Variants in LRRC8C observed in about 807,000 individuals in gnomAD.
The protein encoded by LRRC8C is leucine rich repeat containing 8 VRAC subunit C.
Under a neutral mutation model 55.3 loss-of-function variants are expected in LRRC8C, and 20 were observed. The ratio of observed to expected loss-of-function variants is 0.36; its 90% CI spans 0.25 to 0.53. The LOEUF is 0.53. Among genes scored for constraint, LRRC8C ranks in the 20% least tolerant of loss-of-function variants. LRRC8C has a pLI of 0.92. For missense variants in LRRC8C, 659 were observed against 951.4 expected, an observed-to-expected ratio of 0.69 and a Z score of 4.04; for synonymous variants, 376 against 360.7, an observed-to-expected ratio of 1.04 and a Z score of -0.48.
chr1:89,621,989 T>C, the LRRC8C span, among the ~76,000 whole-genome samples: 7 of 152,120 alleles, frequency 4.6e-5, no homozygotes, highest in Non-Finnish European at 1.0e-4. Context: ...ATATTCACTG[T>C]AGAGAAATGA....
chr1:89,713,605 T>C lies in LRRC8C; in HGVS notation c.1035T>C (p.Ser345=), dbSNP rs1658718873. The C allele has an allele frequency of 1.2e-6, 2 of 1,614,104 alleles. No homozygotes were observed. The highest frequency in any genetic ancestry group is 1.1e-5 in the South Asian group (1 of 91,092). The change falls in exon 3 of 3, where the codon TCT becomes TCC. Residue 345 remains serine (S), a synonymous_variant. Coordinates refer to ENST00000370454, the MANE Select transcript of LRRC8C (RefSeq NM_032270.5). The surrounding 1 kb of genome is among the most constrained non-coding windows in gnomAD (Gnocchi z 5.2). ...CCTTATACTGGCTGTTCTACCGTTC[T>C]CTACGGGAATATTCCTTTGAGTATG... ...LYTLYWLFYR[S]LREYSFEYVR...
chr1:89,635,360 A>G (rs1656249884), intron 1 of LRRC8C, among the ~76,000 whole-genome samples: 1 of 152,172 alleles, frequency 6.6e-6, no homozygotes, highest in African/African-American at 2.4e-5. Context: ...GAATTGTGTT[A>G]ATGATTTAAT....
the LRRC8C span, among the ~76,000 whole-genome samples, chr1:89,627,832 T>C: frequency 6.6e-6 from 1 of 152,190 alleles, no homozygotes; most frequent in Non-Finnish European, 1.5e-5. Flanking sequence ...AATGAGACAA[T>C]GCATATAAAG....
chr1:89,715,715 C>T lies in LRRC8C; in HGVS notation c.*733C>T, dbSNP rs897185766. 1.3e-5 allele frequency: 2 copies of T among 152,176 alleles called. No individual in the cohort carries two copies. Among genetic ancestry groups the T allele is most frequent in the Admixed American group, 6.5e-5 (1 of 15,280 alleles). 9.4% of individuals were successfully genotyped at this position (152,176 alleles called of 1,614,324 possible). ...GGCTCCTCCCACCTTAATCTCAATACTGCTATGTAGTACTGGTGAACAACT... is the reference window on the plus strand; with the variant it reads ...GGCTCCTCCCACCTTAATCTCAATATTGCTATGTAGTACTGGTGAACAACT... On this transcript the variant is annotated 3_prime_UTR_variant, in exon 3 of 3. Coordinates refer to ENST00000370454, the MANE Select transcript of LRRC8C (RefSeq NM_032270.5).
At chr1:89,620,894 G>C in the LRRC8C span, among the ~76,000 whole-genome samples, 3 of 152,166 alleles carry the variant, frequency 2.0e-5, no homozygotes, top group Admixed American at 6.5e-5. Flanking sequence ...TTTCAGCAAA[G>C]ACCATGACGA....
At chr1:89,651,429 A>G (rs565652649) in intron 1 of LRRC8C, among the ~76,000 whole-genome samples, 46 of 151,778 alleles carry the variant, frequency 3.0e-4, no homozygotes, top group African/African-American at 1.0e-3. Context: ...TTAGCCGGGC[A>G]TGGTGGCGGG....
At chr1:89,708,857 C>A (rs1227488927) in intron 2 of LRRC8C, among the ~76,000 whole-genome samples, 1 of 152,184 alleles carries the variant, frequency 6.6e-6, no homozygotes, top group Admixed American at 6.5e-5. Context: ...TTTTGGAATT[C>A]TACTCAGAGA....
At chr1:89,631,520 A>G (rs1656107421), upstream of LRRC8C, 1 of 152,110 alleles carries the variant, frequency 6.6e-6, no homozygotes, top group Non-Finnish European at 1.5e-5. Context: ...AAATTCAGGT[A>G]AGGTAAGAGA....
chr1:89,707,141 T>A (rs1460159406), intron 2 of LRRC8C, among the ~76,000 whole-genome samples: 1 of 151,274 alleles, frequency 6.6e-6, no homozygotes, highest in African/African-American at 2.4e-5. Flanking sequence ...GCGCTGTGGC[T>A]CATGCCTGTA....
Position 89,714,983 on chromosome 1 carries a change from C to A in LRRC8C, c.*1C>A, listed in dbSNP as rs367696894. ...CCGGGAGCAAATGAAAACAGAATAA[C>A]TTATTTTTCGTTAAAGTTTGACTGA... On this transcript the variant is annotated 3_prime_UTR_variant, in exon 3 of 3. Transcript: ENST00000370454. This position sits in a 1 kb window ranked among gnomAD's most constrained non-coding sequence, Gnocchi z 4.6. The A allele has an allele frequency of 1.5e-5, 23 of 1,563,904 alleles. No homozygotes were observed. The highest frequency in any genetic ancestry group is 8.3e-5 in the African/African-American group (6 of 72,604).
chr1:89,659,020 AGG>A (rs1657026793), intron 1 of LRRC8C, among the ~76,000 whole-genome samples: 1 of 149,104 alleles, frequency 6.7e-6, no homozygotes, highest in African/African-American at 2.5e-5. Context: ...GAGAGTTAAT[AGG>A]AAATTTTAGG....
intron 1 of LRRC8C, among the ~76,000 whole-genome samples, chr1:89,639,255 G>T (rs1656388481): frequency 6.6e-6 from 1 of 152,212 alleles, no homozygotes; most frequent in Non-Finnish European, 1.5e-5. Flanking sequence ...CAAGTACTGG[G>T]ATTACAGGCG....
the LRRC8C span, among the ~76,000 whole-genome samples, chr1:89,619,338 T>C: frequency 6.6e-6 from 1 of 151,862 alleles, no homozygotes; most frequent in Non-Finnish European, 1.5e-5. Flanking sequence ...ATGGGTGATA[T>C]ATTAAATTGA....
chr1:89,676,834 G>A (rs7538386), intron 1 of LRRC8C, among the ~76,000 whole-genome samples: 6,202 of 152,218 alleles, frequency 0.041, 390 homozygotes, highest in African/African-American at 0.14. Flanking sequence ...ATATTCTCCC[G>A]TGAGTGTATA....
the LRRC8C span, among the ~76,000 whole-genome samples, chr1:89,616,094 T>C: frequency 7.2e-5 from 11 of 152,278 alleles, no homozygotes; most frequent in East Asian, 5.8e-4. Flanking sequence ...ATGGAGATCA[T>C]TGTGCCCTGT....
At chr1:89,685,348 CT>C (rs974005719) in intron 1 of LRRC8C, among the ~76,000 whole-genome samples, 5 of 148,900 alleles carry the variant, frequency 3.4e-5, no homozygotes, top group Admixed American at 6.7e-5. Flanking sequence ...ATCTCCTGAC[CT>C]CATGATCCAC....
intron 1 of LRRC8C, among the ~76,000 whole-genome samples, chr1:89,636,739 C>T (rs79943297): frequency 6.6e-6 from 1 of 152,146 alleles, no homozygotes; most frequent in Non-Finnish European, 1.5e-5. Flanking sequence ...TGTCAGTTCA[C>T]TTATAATTCA....
upstream of LRRC8C, among the ~76,000 whole-genome samples, chr1:89,628,490 A>G (rs941577695): frequency 1.3e-5 from 2 of 152,128 alleles, no homozygotes; most frequent in Non-Finnish European, 2.9e-5. Context: ...TCTGGGCCCA[A>G]GTGATGTTGC....
Position 89,713,959 on chromosome 1 carries a change from T to C in LRRC8C, c.1389T>C (p.Ile463=). Residue 463 remains isoleucine, a synonymous_variant, in exon 3 of 3, where the codon ATT becomes ATC. Transcript: ENST00000370454. This position sits in a 1 kb window ranked among gnomAD's most constrained non-coding sequence, Gnocchi z 5.2. ...AGAACGTAATGATACCAGCCACCAT[T>C]GCACAGCTAGACAATCTTCAAGAGC... ...IIKNVMIPAT[I]AQLDNLQELS... 1 of 1,613,724 alleles carries C rather than the reference T, an allele frequency of 6.2e-7. No individual in the cohort carries two copies. Among genetic ancestry groups the C allele is most frequent in the Non-Finnish European group, 8.5e-7 (1 of 1,180,020 alleles).
Sources: gnomAD v4.1 joint callset for allele counts (sites outside exome capture counted in the v4.1 genomes callset) on GRCh38, gnomAD v4.1.1 for gene constraint, Gnocchi (gnomAD v3.1) non-coding constraint, MANE v1.5 for transcripts, NCBI Gene and HGNC (gene_info 2026-07-23, HGNC 2026-07-21) for gene names.